The following TMEM87A variants were observed in gnomAD, a reference collection of about 807,000 sequenced individuals.
TMEM87A encodes the protein transmembrane protein 87A, also known as Golgi-pH regulating cation channel.
A neutral mutation model predicts 90.0 loss-of-function variants in TMEM87A; 50 were observed. That is an observed-to-expected ratio of 0.56 (90% CI 0.44 to 0.70). The LOEUF (loss-of-function observed/expected upper bound fraction) is 0.70, where lower values mean the gene tolerates loss of function less well. Among genes scored for constraint, TMEM87A ranks in the 30% least tolerant of loss-of-function variants. TMEM87A has a pLI of 0.00. For synonymous variants in TMEM87A, 226 were observed against 226.7 expected, an observed-to-expected ratio of 1.00 and a Z score of 0.03; for missense variants, 577 against 660.5, an observed-to-expected ratio of 0.87 and a Z score of 1.39.
intron 6 of TMEM87A, among the ~76,000 whole-genome samples, chr15:42,246,962 C>CAG: frequency 6.6e-6 from 1 of 152,164 alleles, no homozygotes; most frequent in Non-Finnish European, 1.5e-5. Flanking sequence ...CCTGTTGTTT[C>CAG]CTGACTTTTT....
chr15:42,237,253 C>T (rs114301408), intron 9 of TMEM87A, among the ~76,000 whole-genome samples, 179 bp downstream of exon 9: 2,169 of 152,270 alleles, frequency 0.014, 48 homozygotes, highest in African/African-American at 0.05. Context: ...ATTAGTCTTA[C>T]ATCACTGAAC....
intron 3 of TMEM87A, among the ~76,000 whole-genome samples, chr15:42,264,923 C>T (rs943317998): frequency 6.6e-6 from 1 of 151,942 alleles, no homozygotes; most frequent in African/African-American, 2.4e-5. Flanking sequence ...TCTCATCATT[C>T]AGCTCCCACT....
chr15:42,241,116 C>A (rs983066623), intron 7 of TMEM87A, among the ~76,000 whole-genome samples: 2 of 152,190 alleles, frequency 1.3e-5, no homozygotes, highest in African/African-American at 2.4e-5. Context: ...TACTACCTGA[C>A]TCTTTAAGAA....
intron 10 of TMEM87A, 56 bp from the exon 11 acceptor site, chr15:42,233,362 C>G: frequency 7.5e-7 from 1 of 1,339,772 alleles, no homozygotes; most frequent in Non-Finnish European, 1.1e-6. Flanking sequence ...CCGAAACAAG[C>G]TAAGTAACAG....
At chr15:42,222,568 T>C (rs1342754152) in intron 15 of TMEM87A, among the ~76,000 whole-genome samples, 1 of 151,948 alleles carries the variant, frequency 6.6e-6, no homozygotes, top group Non-Finnish European at 1.5e-5. Context: ...GTGATTTTTT[T>C]TTTTTTTGAG....
Position 42,244,068 on chromosome 15 carries a change from G to C in TMEM87A, c.604C>G (p.Leu202Val). The C allele has an allele frequency of 6.4e-7, 1 of 1,564,378 alleles. No individual in the cohort carries two copies. The highest frequency in any genetic ancestry group is 8.6e-7 in the Non-Finnish European group (1 of 1,162,714). The change falls in exon 7 of 20, where the codon CTG becomes GTG. Residue 202 changes from leucine (L) to valine (V), a missense_variant. Transcript: ENST00000389834. Reference protein sequence around the residue: ...SSKESSKENSLSNLFTMTVEV... With the variant: ...SSKESSKENSVSNLFTMTVEV... ...AACTTACTGGTAAAAAGATTACTCA[G>C]TGAATTTTCTTTTGATGATTCCTTT...
intron 6 of TMEM87A, among the ~76,000 whole-genome samples, chr15:42,257,640 T>C (rs2051208847): frequency 6.6e-6 from 1 of 152,210 alleles, no homozygotes; most frequent in Middle Eastern, 3.2e-3. Flanking sequence ...ATCTAGCAAT[T>C]CTACCTCCAG....
chr15:42,263,869 A>G (rs2051344797), intron 4 of TMEM87A, among the ~76,000 whole-genome samples: 1 of 152,230 alleles, frequency 6.6e-6, no homozygotes, highest in Non-Finnish European at 1.5e-5. Context: ...TGTATATTTT[A>G]CCACAATAAA....
intron 6 of TMEM87A, chr15:42,258,323 C>T (rs894193879): frequency 1.4e-6 from 1 of 691,966 alleles, no homozygotes; most frequent in African/African-American, 1.9e-5. Context: ...AAATATATCA[C>T]TGCATGGTAT....
At position 42,273,374 on chromosome 15, in the gene TMEM87A, C is replaced by T. The variant is rs572735519; in HGVS notation, c.25G>A (p.Val9Met). The T allele has an allele frequency of 3.1e-6, 5 of 1,614,054 alleles. No homozygotes were observed. The African/African-American group carries it at 4.0e-5, about 13-fold the overall frequency. ...AGAAGCAGAAGAATGACAGGCAACA[C>T]CTGAAGCCACGCAGCCGCCGCCATC... is the stretch of plus-strand genomic sequence containing the variant. MAAAAWLQ[V>M]LPVILLLLGA... Residue 9 changes from valine to methionine, a missense_variant, in exon 1 of 20, where the codon GTG becomes ATG. Coordinates refer to ENST00000389834, the MANE Select transcript of TMEM87A (RefSeq NM_015497.5).
In TMEM87A at chr15:42,223,630, C is replaced by G. The variant is rs998849011; in HGVS notation, c.1403+3176G>C. Among the ~76,000 whole-genome samples, 17 of 152,230 alleles carry G rather than the reference C, an allele frequency of 1.1e-4. No individual in the cohort carries two copies. In the East Asian group the frequency reaches 3.3e-3, roughly 29 times the overall value. ...CCTTCCACCTTCTGTCATGTGACGA[C>G]CCAGTAAGAAGGCCCTCACCAGATG... On this transcript the variant is annotated intron_variant, in intron 15 of 19. Coordinates refer to ENST00000389834, the MANE Select transcript of TMEM87A (RefSeq NM_015497.5).
intron 6 of TMEM87A, among the ~76,000 whole-genome samples, chr15:42,255,474 G>A (rs533155404): frequency 5.3e-5 from 8 of 151,932 alleles, no homozygotes; most frequent in Non-Finnish European, 1.0e-4. Flanking sequence ...ATGTTTTCCA[G>A]GCTGCTCTTG....
At chr15:42,226,065 T>A (rs912479476) in intron 15 of TMEM87A, among the ~76,000 whole-genome samples, 4 of 152,086 alleles carry the variant, frequency 2.6e-5, no homozygotes, top group African/African-American at 4.8e-5. Flanking sequence ...AGTGGCATGA[T>A]CTCGGCTCAG....
intron 4 of TMEM87A, among the ~76,000 whole-genome samples, 190 bp downstream of exon 4, chr15:42,263,900 A>C (rs193069102): frequency 3.9e-5 from 6 of 152,342 alleles, no homozygotes; most frequent in Admixed American, 3.9e-4. Flanking sequence ...TTTGCTTTTT[A>C]CACACAAAGC....
rs1566940109 is a variant in TMEM87A at position 42,261,195 on chromosome 15, C to T, written c.459+1G>A. 6.2e-7 allele frequency: 1 copy of T among 1,612,840 alleles called. No homozygotes were observed. Among genetic ancestry groups the T allele is most frequent in the Non-Finnish European group, 8.5e-7 (1 of 1,179,462 alleles). On this transcript the variant is annotated splice_donor_variant, in intron 5 of 19. Coordinates refer to ENST00000389834, the MANE Select transcript of TMEM87A (RefSeq NM_015497.5). LOFTEE classifies it high-confidence loss of function. ...CAGAAATATATAATGAAAACAATTA[C>T]CTCCTGTTTTTCTCCTAAAAGAGGC...
chr15:42,251,761 G>C (rs933347084), intron 6 of TMEM87A, among the ~76,000 whole-genome samples: 2 of 152,234 alleles, frequency 1.3e-5, no homozygotes, highest in Non-Finnish European at 2.9e-5. Context: ...TGTGCTGGGA[G>C]AACGATTGCT....
chr15:42,246,481 T>C (rs926592505), intron 6 of TMEM87A, among the ~76,000 whole-genome samples: 3 of 152,146 alleles, frequency 2.0e-5, no homozygotes, highest in African/African-American at 7.2e-5. Flanking sequence ...CTGTGTGATG[T>C]TCCCCGCCCT....
intron 6 of TMEM87A, among the ~76,000 whole-genome samples, chr15:42,253,283 T>C (rs762470668): frequency 1.3e-5 from 2 of 152,226 alleles, no homozygotes; most frequent in Non-Finnish European, 2.9e-5. Context: ...AGAATATATA[T>C]GGCTTTCTTC....
intron 1 of TMEM87A, 180 bp downstream of exon 1, chr15:42,273,075 A>G: frequency 1.4e-6 from 1 of 737,502 alleles, no homozygotes; most frequent in Non-Finnish European, 2.3e-6. Flanking sequence ...TAGCCTAATC[A>G]CAGAAGTGCG....
Sources: allele counts gnomAD v4.1 joint callset (sites outside exome capture counted in the v4.1 genomes callset), GRCh38; gene constraint gnomAD v4.1.1; transcripts MANE v1.5; gene names NCBI Gene and HGNC (gene_info 2026-07-23, HGNC 2026-07-21).